The following PSTPIP1 variants were observed in gnomAD, a reference collection of about 807,000 sequenced individuals.
The protein encoded by PSTPIP1 is proline-serine-threonine phosphatase-interacting protein 1.
Under a neutral mutation model 69.6 loss-of-function variants are expected in PSTPIP1, and 66 were observed. The observed-to-expected ratio is 0.95, with a 90% confidence interval of 0.78 to 1.16. The LOEUF (loss-of-function observed/expected upper bound fraction) is 1.16, where lower values mean the gene tolerates loss of function less well. PSTPIP1 is among the 50% of genes most tolerant of loss of function. PSTPIP1 has a pLI of 0.00. For synonymous variants in PSTPIP1, 266 were observed against 222.7 expected, an observed-to-expected ratio of 1.19 and a Z score of -1.73; for missense variants, 603 against 557.4, an observed-to-expected ratio of 1.08 and a Z score of -0.82.
At chr15:77,035,617 AGGTCTCCCACAT>A in intron 13 of PSTPIP1, 54 bp downstream of exon 13, 2 of 1,531,690 alleles carry the variant, frequency 1.3e-6, no homozygotes, top group East Asian at 4.9e-5. Flanking sequence ...GGGGGAGGAG[AGGTCTCCCACAT>A]GGCACAGATG....
At chr15:76,995,961 C>A (rs2075570341) in intron 1 of PSTPIP1, among the ~76,000 whole-genome samples, 2 of 152,218 alleles carry the variant, frequency 1.3e-5, no homozygotes, top group Non-Finnish European at 2.9e-5. Flanking sequence ...ACCAGACAAA[C>A]TTGAGTTCAG....
intron 1 of PSTPIP1, among the ~76,000 whole-genome samples, chr15:77,000,492 C>T (rs2075684440): frequency 6.7e-6 from 1 of 148,920 alleles, no homozygotes; most frequent in African/African-American, 2.6e-5. Context: ...CACACACACA[C>T]ACACACACAC....
At chr15:77,035,266 C>T (rs1311367167) in intron 12 of PSTPIP1, among the ~76,000 whole-genome samples, 1 of 152,170 alleles carries the variant, frequency 6.6e-6, no homozygotes, top group Non-Finnish European at 1.5e-5. Context: ...GCTGAGATGG[C>T]CTGCAGAGGG....
chr15:77,024,174 C>T (rs2076222984), intron 3 of PSTPIP1: 1 of 152,250 alleles, frequency 6.6e-6, no homozygotes, highest in Admixed American at 6.5e-5. Context: ...GCCTCAGCCT[C>T]AGGAGGTCGG....
chr15:77,010,364 C>T (rs1180542440), intron 1 of PSTPIP1, among the ~76,000 whole-genome samples: 1 of 152,252 alleles, frequency 6.6e-6, no homozygotes, highest in Non-Finnish European at 1.5e-5. Flanking sequence ...ACCGCACACT[C>T]AATCCCTTCC....
chr15:77,037,077 C>T lies in PSTPIP1; in HGVS notation c.1152C>T (p.Asp384=). 2.5e-6 allele frequency: 4 copies of T among 1,612,348 alleles called. No individual in the cohort carries two copies. The highest frequency in any genetic ancestry group is 2.2e-5 in the East Asian group (1 of 44,876). The stretch of plus-strand genomic sequence containing the variant: ...ATGAGCTGGACCTGTCCGCGGGAGA[C>T]ATCCTGGAGGTGATCCTGGAAGGGG... ...NPDELDLSAG[D]ILEVILEGED... is the part of the protein sequence containing the mutation. Residue 384 remains aspartate (D), a synonymous_variant, in exon 15 of 15, where the codon GAC becomes GAT. Coordinates refer to ENST00000558012, the MANE Select transcript of PSTPIP1 (RefSeq NM_003978.5).
chr15:77,003,191 C>A (rs918355246), intron 1 of PSTPIP1, among the ~76,000 whole-genome samples: 4 of 152,152 alleles, frequency 2.6e-5, no homozygotes, highest in African/African-American at 9.7e-5. Context: ...GAGTGGGATG[C>A]CCTTCCTCCT....
chr15:77,033,226 T>C (rs1298445947), intron 12 of PSTPIP1, among the ~76,000 whole-genome samples: 2 of 152,154 alleles, frequency 1.3e-5, no homozygotes, highest in Non-Finnish European at 2.9e-5. Flanking sequence ...TATGCTGGCT[T>C]CCTTGTCCCT....
At chr15:76,995,660 G>T (rs2075561680) in intron 1 of PSTPIP1, 51 bp downstream of exon 1, 1 of 1,611,954 alleles carries the variant, frequency 6.2e-7, no homozygotes, top group Non-Finnish European at 8.5e-7. Context: ...GCAGAGCTAG[G>T]CTGAAATCTC....
At chr15:77,000,389 C>T (rs1392876990) in intron 1 of PSTPIP1, among the ~76,000 whole-genome samples, 2 of 151,848 alleles carry the variant, frequency 1.3e-5, no homozygotes, top group Admixed American at 6.6e-5. Context: ...GACCTGTCTA[C>T]CATGGCCCAG....
chr15:77,000,458 G>T (rs868237078), intron 1 of PSTPIP1, among the ~76,000 whole-genome samples: 139 of 139,176 alleles, frequency 1.0e-3, no homozygotes, highest in South Asian at 4.9e-3. Context: ...CATTTAAAGA[G>T]AGATATATAT....
chr15:77,029,632 C>T (rs904766823), intron 8 of PSTPIP1, 58 bp downstream of exon 8: 22 of 1,494,600 alleles, frequency 1.5e-5, no homozygotes, highest in Non-Finnish European at 1.8e-6. Flanking sequence ...GTACTCCCCA[C>T]ACACACCTCC....
At chr15:77,036,791 G>A (rs895285683) in intron 14 of PSTPIP1, among the ~76,000 whole-genome samples, 3 of 152,164 alleles carry the variant, frequency 2.0e-5, no homozygotes, top group African/African-American at 4.8e-5. Flanking sequence ...TCCAGTCACT[G>A]CGTCTCCAGA....
Position 77,035,441 on chromosome 15 carries a change from C to T in PSTPIP1, c.930-67C>T. 7 of 1,493,956 alleles carry T rather than the reference C, an allele frequency of 4.7e-6. No individual in the cohort carries two copies. The South Asian group carries it at 6.0e-5, about 13-fold the overall frequency. The allele number at this position is 1,493,956 out of a possible 1,614,324, so 92.5% of individuals were successfully genotyped here. A position where few individuals can be genotyped will look rare whatever the true frequency, so the allele number is the denominator to read the frequency against. On this transcript the variant is annotated intron_variant, in intron 12 of 14. Coordinates refer to ENST00000558012, the MANE Select transcript of PSTPIP1 (RefSeq NM_003978.5). ...GCTCTGAGACCTCTCCCTGTCTAAA[C>T]CCTCCCTCCTGGTGGGTCCCTGAGT...
At chr15:77,034,100 C>T (rs909383969) in intron 12 of PSTPIP1, among the ~76,000 whole-genome samples, 1 of 152,112 alleles carries the variant, frequency 6.6e-6, no homozygotes, top group Non-Finnish European at 1.5e-5. Context: ...GGGGGCTGGT[C>T]AGGCCTCTGG....
At chr15:77,002,175 G>A (rs1200907229) in intron 1 of PSTPIP1, among the ~76,000 whole-genome samples, 1 of 152,196 alleles carries the variant, frequency 6.6e-6, no homozygotes, top group Non-Finnish European at 1.5e-5. Context: ...CTGACTCTGT[G>A]ATGGGACCTA....
At chr15:77,012,151 ATC>A (rs1568492523) in intron 1 of PSTPIP1, among the ~76,000 whole-genome samples, 27 of 95,890 alleles carry the variant, frequency 2.8e-4, no homozygotes, top group Non-Finnish European at 4.6e-4. Flanking sequence ...CCATCCATCC[ATC>A]CATCCACCCA....
chr15:77,021,880 C>T (rs2076168215), intron 3 of PSTPIP1, among the ~76,000 whole-genome samples: 1 of 152,340 alleles, frequency 6.6e-6, no homozygotes, highest in East Asian at 1.9e-4. Context: ...AAGCTGTCAC[C>T]TCCACTCCCC....
intron 1 of PSTPIP1, among the ~76,000 whole-genome samples, chr15:77,012,707 T>C (rs1415574631): frequency 1.3e-5 from 2 of 152,222 alleles, no homozygotes; most frequent in East Asian, 3.9e-4. Flanking sequence ...TCCGTATCTA[T>C]ACAATGGGGA....
Sources: allele counts gnomAD v4.1 joint callset (sites outside exome capture counted in the v4.1 genomes callset), GRCh38; gene constraint gnomAD v4.1.1; transcripts MANE v1.5; gene names NCBI Gene and HGNC (gene_info 2026-07-23, HGNC 2026-07-21).